The following MAGI2 variants were observed in gnomAD, a reference collection of about 807,000 sequenced individuals.
MAGI2 encodes the protein membrane associated guanylate kinase, WW and PDZ domain containing 2, also known as membrane-associated guanylate kinase, WW and PDZ domain-containing protein 2.
MAGI2 carries 35 observed loss-of-function variants against 133.3 expected under a neutral mutation model. That is an observed-to-expected ratio of 0.26 (90% CI 0.20 to 0.35). The LOEUF (loss-of-function observed/expected upper bound fraction) is 0.35. Ranked by LOEUF, MAGI2 falls within the 10% of genes least tolerant of loss-of-function variation. The pLI is 1.00. For missense variants in MAGI2, 1,636 were observed against 1,863.4 expected (o/e 0.88, Z 2.25); for synonymous variants, 729 against 710.6 (o/e 1.03, Z -0.41).
intron 2 of MAGI2, among the ~76,000 whole-genome samples, chr7:78,679,703 A>G (rs988278244): frequency 6.6e-6 from 1 of 152,198 alleles, no homozygotes; most frequent in Non-Finnish European, 1.5e-5. Context: ...GACAGGTCGG[A>G]GGAAGCACCT....
chr7:79,255,756 T>C (rs563117179), intron 1 of MAGI2, among the ~76,000 whole-genome samples: 13 of 152,162 alleles, frequency 8.5e-5, no homozygotes, highest in Admixed American at 8.5e-4. Flanking sequence ...TAGGAATCCA[T>C]CTTACTCTCA....
At chr7:78,630,231 TGA>T (rs1808814791) in intron 2 of MAGI2, among the ~76,000 whole-genome samples, 1 of 151,828 alleles carries the variant, frequency 6.6e-6, no homozygotes, top group African/African-American at 2.4e-5. Flanking sequence ...TTTTAAAAAA[TGA>T]GAGTTTAACT....
chr7:78,296,428 TCA>T (rs1445216479), intron 9 of MAGI2, among the ~76,000 whole-genome samples: 1 of 152,180 alleles, frequency 6.6e-6, no homozygotes, highest in Non-Finnish European at 1.5e-5. Flanking sequence ...TGCCCTGCCC[TCA>T]CAGACATTTC....
In MAGI2 at chr7:78,114,787, T is replaced by G. The variant is rs560412958; in HGVS notation, c.3567+10907A>C. Among the ~76,000 whole-genome samples the G allele has an allele frequency of 7.9e-5, 12 of 152,180 alleles. No homozygotes were observed. The South Asian group carries it at 2.5e-3, about 32-fold the overall frequency. On this transcript the variant is annotated intron_variant, in intron 20 of 21. Coordinates refer to ENST00000354212, the MANE Select transcript of MAGI2 (RefSeq NM_012301.4). The stretch of plus-strand genomic sequence containing the variant: ...CTGTGTGGCAGTGGCAAGAACTCAT[T>G]AGTGACTTTGTGGACATGGGACTCA...
chr7:78,311,478 A>C (rs1422802331), intron 9 of MAGI2, among the ~76,000 whole-genome samples: 1 of 152,246 alleles, frequency 6.6e-6, no homozygotes, highest in Non-Finnish European at 1.5e-5. Context: ...ACAGAGGATC[A>C]AGGGGATGGA....
chr7:78,489,772 C>T lies in MAGI2; in HGVS notation c.1034G>A (p.Cys345Tyr). 3 of 1,611,672 alleles carry T rather than the reference C, an allele frequency of 1.9e-6. No homozygotes were observed. The highest frequency in any genetic ancestry group is 2.5e-6 in the Non-Finnish European group (3 of 1,178,322). ...LAKKAKPPEE[C>Y]KENELPYGWE... is the part of the protein sequence containing the mutation. ...ACTTAATAACCTACCATTTTCTTTGCACTCTTCTGGAGGTTTAGCCTTTTT... is the reference window on the plus strand; with the variant it reads ...ACTTAATAACCTACCATTTTCTTTGTACTCTTCTGGAGGTTTAGCCTTTTT... The change falls in exon 6 of 22, where the codon TGC (cysteine) becomes TAC (tyrosine). Residue 345 changes from cysteine (C) to tyrosine (Y), a missense_variant. Physicochemically the swap from Cys to Tyr is radical, Grantham distance 194. Coordinates refer to ENST00000354212, the MANE Select transcript of MAGI2 (RefSeq NM_012301.4).
chr7:78,754,579 A>G (rs529544605), intron 2 of MAGI2, among the ~76,000 whole-genome samples: 5 of 152,296 alleles, frequency 3.3e-5, no homozygotes, highest in Admixed American at 2.6e-4. Context: ...CTAAAACTGT[A>G]TCAAGTTGAG....
intron 2 of MAGI2, among the ~76,000 whole-genome samples, chr7:78,742,055 G>T (rs1054089404): frequency 6.6e-6 from 1 of 151,800 alleles, no homozygotes; most frequent in Admixed American, 6.6e-5. Context: ...AGCCCTTTTG[G>T]TAATTGCATT....
In MAGI2 at chr7:79,043,015, A is replaced by G. The variant is rs112020306; in HGVS notation, c.302-35809T>C. Among the ~76,000 whole-genome samples the G allele has an allele frequency of 1.9e-3, 282 of 152,248 alleles. 1 individual carries two copies. The highest frequency in any genetic ancestry group is 6.5e-3 in the African/African-American group (272 of 41,562). The stretch of plus-strand genomic sequence containing the variant: ...AATGGTGACATTAAGTCAGAAATCA[A>G]TAAATTATTTGAAACTAATAAAAAC... On this transcript the variant is annotated intron_variant, in intron 1 of 21. Transcript: ENST00000354212.
At chr7:78,274,366 G>A (rs530668093) in intron 9 of MAGI2, among the ~76,000 whole-genome samples, 3 of 152,186 alleles carry the variant, frequency 2.0e-5, no homozygotes, top group African/African-American at 4.8e-5. Context: ...TGTATGAGGT[G>A]TCTGTCAGCT....
intron 1 of MAGI2, among the ~76,000 whole-genome samples, chr7:79,381,257 A>G (rs1314778403): frequency 6.6e-6 from 1 of 151,568 alleles, no homozygotes; most frequent in African/African-American, 2.4e-5. Flanking sequence ...TCTCCTTTAT[A>G]ATCTTTCTTC....
At chr7:78,954,958 C>A (rs2115620349) in intron 2 of MAGI2, among the ~76,000 whole-genome samples, 1 of 152,128 alleles carries the variant, frequency 6.6e-6, no homozygotes, top group East Asian at 1.9e-4. Flanking sequence ...TCTGGCTCAG[C>A]AGTGGTGGTG....
At chr7:78,849,392 G>T (rs1352390953) in intron 2 of MAGI2, among the ~76,000 whole-genome samples, 1 of 152,020 alleles carries the variant, frequency 6.6e-6, no homozygotes, top group African/African-American at 2.4e-5. Flanking sequence ...TTCCAGCAGA[G>T]AGTTGGATAC....
chr7:78,680,131 T>C (rs1197987763), intron 2 of MAGI2, among the ~76,000 whole-genome samples: 1 of 152,196 alleles, frequency 6.6e-6, no homozygotes, highest in African/African-American at 2.4e-5. Flanking sequence ...TCACAGTCCT[T>C]TCTTGATGAC....
chr7:78,917,437 C>T (rs901620154), intron 2 of MAGI2, among the ~76,000 whole-genome samples: 7 of 151,956 alleles, frequency 4.6e-5, no homozygotes, highest in Non-Finnish European at 8.8e-5. Context: ...CTGGATAGGA[C>T]TGTGAAGAGG....
At chr7:78,575,046 T>A (rs944893371) in intron 3 of MAGI2, among the ~76,000 whole-genome samples, 1 of 152,210 alleles carries the variant, frequency 6.6e-6, no homozygotes. Flanking sequence ...CTAATGTTTT[T>A]AATTTCACTG....
intron 3 of MAGI2, among the ~76,000 whole-genome samples, chr7:78,597,410 A>C (rs928194173): frequency 1.3e-5 from 2 of 151,530 alleles, no homozygotes; most frequent in Non-Finnish European, 2.9e-5. Flanking sequence ...TTAGATTTGG[A>C]TCCCAATGCC....
At chr7:79,121,125 G>A (rs1241443262) in intron 1 of MAGI2, among the ~76,000 whole-genome samples, 2 of 151,896 alleles carry the variant, frequency 1.3e-5, no homozygotes, top group African/African-American at 2.4e-5. Flanking sequence ...GGCTAATAAG[G>A]GAGTAAAAGA....
At chr7:79,263,680 T>C (rs1834233068) in intron 1 of MAGI2, among the ~76,000 whole-genome samples, 1 of 152,150 alleles carries the variant, frequency 6.6e-6, no homozygotes, top group Admixed American at 6.6e-5. Context: ...GTCTCTGAGG[T>C]ACAAAATGAC....
Sources: allele counts gnomAD v4.1 joint callset (sites outside exome capture counted in the v4.1 genomes callset), GRCh38; gene constraint gnomAD v4.1.1; transcripts MANE v1.5; gene names NCBI Gene and HGNC (gene_info 2026-07-23, HGNC 2026-07-21).